LAG3: variants seen among roughly 807,000 people sequenced by gnomAD.
LAG3 encodes lymphocyte activating 3.
A neutral mutation model predicts 49.0 loss-of-function variants in LAG3; 29 were observed. That is an observed-to-expected ratio of 0.59 (90% CI 0.44 to 0.81). LAG3 has a LOEUF of 0.81. LAG3 is among the 30% of genes least tolerant of loss of function. LAG3 has a pLI of 0.00. For missense variants in LAG3, 693 were observed against 695.2 expected, an observed-to-expected ratio of 1.00 and a Z score of 0.04; for synonymous variants, 320 against 297.3, an observed-to-expected ratio of 1.08 and a Z score of -0.79.
chr12:6,778,229 C>T lies in LAG3; in HGVS notation c.1432-15C>T. ...TCCTTCCGCCCTCCGTCTCTCTCTC[C>T]ATCTCTTCTCACAGTGGCGACCAAG... is the stretch of plus-strand genomic sequence containing the variant. On this transcript the variant is annotated splice_polypyrimidine_tract_variant and intron_variant, in intron 7 of 7. Coordinates refer to ENST00000203629, the MANE Select transcript of LAG3 (RefSeq NM_002286.6). 6.4e-7 allele frequency: 1 copy of T among 1,567,186 alleles called. No individual in the cohort carries two copies. Among genetic ancestry groups the T allele is most frequent in the Non-Finnish European group, 8.7e-7 (1 of 1,155,298 alleles).
chr12:6,777,710 T>C, intron 6 of LAG3, 81 bp from the exon 7 acceptor site: 8 of 1,544,762 alleles, frequency 5.2e-6, no homozygotes, highest in Non-Finnish European at 8.9e-7. Flanking sequence ...CTGGATCTCA[T>C]TGCATCTGTA....
rs888888131 is a variant in LAG3 at position 6,773,748 on chromosome 12, G to A, written c.258G>A (p.Pro86=). Residue 86 remains proline (P), a synonymous_variant, in exon 3 of 8, where the codon CCG becomes CCA. Coordinates refer to ENST00000203629, the MANE Select transcript of LAG3 (RefSeq NM_002286.6). This position sits in a 1 kb window ranked among gnomAD's most constrained non-coding sequence, Gnocchi z 5.5. ...PGHPLAPGPH[P]AAPSSWGPRP... Reference sequence around the variant, plus strand: ...ATCCCCTGGCCCCCGGCCCTCACCCGGCGGCGCCCTCCTCCTGGGGGCCCA... The same window carrying A: ...ATCCCCTGGCCCCCGGCCCTCACCCAGCGGCGCCCTCCTCCTGGGGGCCCA... 130 of 1,327,840 alleles carry A rather than the reference G, an allele frequency of 9.8e-5. No homozygotes were observed. The highest frequency in any genetic ancestry group is 1.2e-4 in the Non-Finnish European group (128 of 1,045,690). The allele number at this position is 1,327,840 out of a possible 1,614,324, so 82.3% of individuals were successfully genotyped here. A position where few individuals can be genotyped will look rare whatever the true frequency, so the allele number is the denominator to read the frequency against.
rs1268716256 is a variant in LAG3 at position 6,773,522 on chromosome 12, C to T, written c.207-175C>T. On this transcript the variant is annotated intron_variant, in intron 2 of 7. Coordinates refer to ENST00000203629, the MANE Select transcript of LAG3 (RefSeq NM_002286.6). The surrounding 1 kb of genome is among the most constrained non-coding windows in gnomAD (Gnocchi z 5.5). ...AATCAGCGACCCTCACGCCAGCATC[C>T]CTTCTCTCCAGAAGTGGATGCGGCC... Among the ~76,000 whole-genome samples, 1 of 152,234 alleles carries T rather than the reference C, an allele frequency of 6.6e-6. No individual in the cohort carries two copies. Among genetic ancestry groups the T allele is most frequent in the Non-Finnish European group, 1.5e-5 (1 of 68,040 alleles).
Position 6,778,268 on chromosome 12 carries a change from T to G in LAG3, c.1456T>G (p.Leu486Val). The G allele has an allele frequency of 6.2e-7, 1 of 1,607,584 alleles. No homozygotes were observed. Among genetic ancestry groups the G allele is most frequent in the Non-Finnish European group, 8.5e-7 (1 of 1,176,940 alleles). The change falls in exon 8 of 8, where the codon TTA (leucine) becomes GTA (valine). Residue 486 changes from leucine (L) to valine (V), a missense_variant. Transcript: ENST00000203629. ...GTGGCGACCAAGACGATTTTCTGCC[T>G]TAGAGCAAGGGATTCACCCTCCGCA... The part of the protein sequence containing the change: ...RQWRPRRFSA[L>V]EQGIHPPQAQ...
chr12:6,774,076 G>C (rs766175217), intron 3 of LAG3, 75 bp downstream of exon 3: 1 of 1,366,894 alleles, frequency 7.3e-7, no homozygotes, highest in Non-Finnish European at 9.4e-7. Context: ...CGCAGGAAGG[G>C]CTGGGGCAGA....
In LAG3 at chr12:6,773,368, C is replaced by T. The variant is rs1320286028; in HGVS notation, c.206+29C>T. On this transcript the variant is annotated intron_variant, in intron 2 of 7. Coordinates refer to ENST00000203629, the MANE Select transcript of LAG3 (RefSeq NM_002286.6). This position sits in a 1 kb window ranked among gnomAD's most constrained non-coding sequence, Gnocchi z 5.5. The stretch of plus-strand genomic sequence containing the variant: ...TGCACCCCAAACTTGGGCAACAGGA[C>T]CTCCGAATCCAGCACTCAACCCCAC... The T allele has an allele frequency of 5.0e-6, 8 of 1,611,642 alleles. No homozygotes were observed. Among genetic ancestry groups the T allele is most frequent in the Non-Finnish European group, 6.8e-6 (8 of 1,179,522 alleles).
chr12:6,778,250 C>T lies in LAG3; in HGVS notation c.1438C>T (p.Pro480Ser), dbSNP rs780574538. The T allele has an allele frequency of 2.3e-5, 37 of 1,589,912 alleles. No homozygotes were observed. In the South Asian group the frequency reaches 4.2e-4, roughly 18 times the overall value. Residue 480 changes from proline to serine, a missense_variant, in exon 8 of 8, where the codon CCA (proline) becomes TCA (serine). Physicochemically the swap from Pro to Ser is moderately conservative, Grantham distance 74 (BLOSUM62 -1). Transcript: ENST00000203629. Reference protein sequence around the residue: ...GFHLWRRQWRPRRFSALEQGI... With the variant: ...GFHLWRRQWRSRRFSALEQGI... Reference sequence around the variant, plus strand: ...TCTCCATCTCTTCTCACAGTGGCGACCAAGACGATTTTCTGCCTTAGAGCA... The same window carrying T: ...TCTCCATCTCTTCTCACAGTGGCGATCAAGACGATTTTCTGCCTTAGAGCA...
Position 6,773,289 on chromosome 12 carries a change from T to C in LAG3, c.156T>C (p.Asp52=), listed in dbSNP as rs1297512789. The part of the protein sequence containing the change: ...LPCSPTIPLQ[D]LSLLRRAGVT... Reference sequence around the variant, plus strand: ...GCAGCCCCACAATCCCCCTCCAGGATCTCAGCCTTCTGCGAAGAGCAGGGG... The same window carrying C: ...GCAGCCCCACAATCCCCCTCCAGGACCTCAGCCTTCTGCGAAGAGCAGGGG... The change falls in exon 2 of 8, where the codon GAT becomes GAC. Residue 52 remains aspartate, a synonymous_variant. Transcript: ENST00000203629. The surrounding 1 kb of genome is among the most constrained non-coding windows in gnomAD (Gnocchi z 5.5). 3 of 1,613,720 alleles carry C rather than the reference T, an allele frequency of 1.9e-6. No individual in the cohort carries two copies. Among genetic ancestry groups the C allele is most frequent in the Middle Eastern group, 3.3e-4 (2 of 6,052 alleles).
In LAG3 at chr12:6,773,045, C is replaced by T. The variant is rs1592495039; in HGVS notation, c.58+135C>T. The T allele has an allele frequency of 5.1e-6, 7 of 1,367,502 alleles. No individual in the cohort carries two copies. Among genetic ancestry groups the T allele is most frequent in the Non-Finnish European group, 7.1e-6 (7 of 982,350 alleles). 84.7% of individuals were successfully genotyped at this position (1,367,502 alleles called of 1,614,324 possible). A position where few individuals can be genotyped will look rare whatever the true frequency, so the allele number is the denominator to read the frequency against. Reference sequence around the variant, plus strand: ...ATCCCTTTTTTGGGCAGTCCTTCCACCCCGAAAGCCTCTCTGGGCAGAGAA... The same window carrying T: ...ATCCCTTTTTTGGGCAGTCCTTCCATCCCGAAAGCCTCTCTGGGCAGAGAA... On this transcript the variant is annotated intron_variant, in intron 1 of 7. Coordinates refer to ENST00000203629, the MANE Select transcript of LAG3 (RefSeq NM_002286.6). The surrounding 1 kb of genome is among the most constrained non-coding windows in gnomAD (Gnocchi z 5.5).
chr12:6,778,435 T>C lies in LAG3; in HGVS notation c.*45T>C. ...GCAGATCTCAGCAGCCCAGTCCAAA[T>C]AAACTCCCTGTCAGCAGCAAGCCTG... is the stretch of plus-strand genomic sequence containing the variant. On this transcript the variant is annotated 3_prime_UTR_variant, in exon 8 of 8. Coordinates refer to ENST00000203629, the MANE Select transcript of LAG3 (RefSeq NM_002286.6). 1 of 1,590,456 alleles carries C rather than the reference T, an allele frequency of 6.3e-7. No individual in the cohort carries two copies. Among genetic ancestry groups the C allele is most frequent in the Non-Finnish European group, 8.5e-7 (1 of 1,173,898 alleles).
At position 6,773,766 on chromosome 12, in the gene LAG3, G is replaced by A; in HGVS notation, c.276G>A (p.Trp92Ter). 4 of 1,330,884 alleles carry A rather than the reference G, an allele frequency of 3.0e-6. No individual in the cohort carries two copies. Among genetic ancestry groups the A allele is most frequent in the Admixed American group, 4.1e-5 (1 of 24,386 alleles). 82.4% of individuals were successfully genotyped at this position (1,330,884 alleles called of 1,614,324 possible). A position where few individuals can be genotyped will look rare whatever the true frequency, so the allele number is the denominator to read the frequency against. Reference protein sequence around the residue: ...PGPHPAAPSSWGPRPRRYTVL... With the variant: ...PGPHPAAPSS ...CTCACCCGGCGGCGCCCTCCTCCTG[G>A]GGGCCCAGGCCCCGCCGCTACACGG... Residue 92 changes from tryptophan to a stop codon, truncating the protein, a stop_gained, in exon 3 of 8, where the codon TGG becomes TGA. Coordinates refer to ENST00000203629, the MANE Select transcript of LAG3 (RefSeq NM_002286.6). LOFTEE classifies it high-confidence loss of function. This position sits in a 1 kb window ranked among gnomAD's most constrained non-coding sequence, Gnocchi z 5.5.
chr12:6,777,593 A>G, intron 6 of LAG3, 87 bp downstream of exon 6: 2 of 1,522,368 alleles, frequency 1.3e-6, no homozygotes. Context: ...CCCCCATCCC[A>G]GCGCTTTTCT....
chr12:6,773,735 C>A lies in LAG3; in HGVS notation c.245C>A (p.Pro82His). ...GCCGCCCCCGGCCATCCCCTGGCCC[C>A]CGGCCCTCACCCGGCGGCGCCCTCC... ...PAAAPGHPLA[P>H]GPHPAAPSSW... The change falls in exon 3 of 8, where the codon CCC becomes CAC. Residue 82 changes from proline to histidine, a missense_variant. Pro to His is a moderately conservative substitution (Grantham distance 77). Transcript: ENST00000203629. This position sits in a 1 kb window ranked among gnomAD's most constrained non-coding sequence, Gnocchi z 5.5. The A allele has an allele frequency of 7.5e-7, 1 of 1,336,610 alleles. No homozygotes were observed. Among genetic ancestry groups the A allele is most frequent in the East Asian group, 3.0e-5 (1 of 32,990 alleles). The allele number at this position is 1,336,610 out of a possible 1,614,324, so 82.8% of individuals were successfully genotyped here. A position where few individuals can be genotyped will look rare whatever the true frequency, so the allele number is the denominator to read the frequency against.
Position 6,775,556 on chromosome 12 carries a change from T to C in LAG3, c.1057+8T>C. ...CATTGGCAATCATCACAGGTCAGCC[T>C]CAGGTGGGAAAGGAGTAGCTGCCCT... On this transcript the variant is annotated splice_region_variant and intron_variant, in intron 5 of 7. Transcript: ENST00000203629. 6.2e-7 allele frequency: 1 copy of C among 1,613,478 alleles called. No homozygotes were observed. Among genetic ancestry groups the C allele is most frequent in the Non-Finnish European group, 8.5e-7 (1 of 1,179,412 alleles).
In LAG3 at chr12:6,772,794, C is replaced by CGGGG; in HGVS notation, c.-59_-58insGGGG. ...TTTACCCCCCACCCCCCACCACTGC[C>CGGGG]CCCTTTCCTTTTCTGACCTCCTTTT... On this transcript the variant is annotated 5_prime_UTR_variant, in exon 1 of 8. Transcript: ENST00000203629. 1.4e-6 allele frequency: 2 copies of CGGGG among 1,397,316 alleles called. No individual in the cohort carries two copies. Among genetic ancestry groups the CGGGG allele is most frequent in the Non-Finnish European group, 2.0e-6 (2 of 994,008 alleles). 86.6% of individuals were successfully genotyped at this position (1,397,316 alleles called of 1,614,324 possible).
rs902265693 is a variant in LAG3 at position 6,773,048 on chromosome 12, C to T, written c.58+138C>T. 2.0e-5 allele frequency: 27 copies of T among 1,374,372 alleles called. No homozygotes were observed. Among genetic ancestry groups the T allele is most frequent in the Non-Finnish European group, 2.5e-5 (25 of 988,990 alleles). The allele number at this position is 1,374,372 out of a possible 1,614,324, so 85.1% of individuals were successfully genotyped here. A position where few individuals can be genotyped will look rare whatever the true frequency, so the allele number is the denominator to read the frequency against. On this transcript the variant is annotated intron_variant, in intron 1 of 7. Transcript: ENST00000203629. The surrounding 1 kb of genome is among the most constrained non-coding windows in gnomAD (Gnocchi z 5.5). The stretch of plus-strand genomic sequence containing the variant: ...CCTTTTTTGGGCAGTCCTTCCACCC[C>T]GAAAGCCTCTCTGGGCAGAGAAGAA...
At chr12:6,776,647 G>A (rs1431561169) in intron 5 of LAG3, among the ~76,000 whole-genome samples, 1 of 152,272 alleles carries the variant, frequency 6.6e-6, no homozygotes, top group East Asian at 1.9e-4. Context: ...AGATGAATGG[G>A]TCAGTTCCCT....
At chr12:6,774,994 T>C in intron 4 of LAG3, 130 bp downstream of exon 4, 1 of 962,408 alleles carries the variant, frequency 1.0e-6, no homozygotes, top group South Asian at 1.6e-5. Flanking sequence ...TGGGTCTCAC[T>C]GTTCGACCCC....
chr12:6,773,140 C>G lies in LAG3; in HGVS notation c.59-52C>G. On this transcript the variant is annotated intron_variant, in intron 1 of 7. Coordinates refer to ENST00000203629, the MANE Select transcript of LAG3 (RefSeq NM_002286.6). The surrounding 1 kb of genome is among the most constrained non-coding windows in gnomAD (Gnocchi z 5.5). Reference sequence around the variant, plus strand: ...GAAACACCCAGGCTCCTTCTCTACCCCTGCCTCTCGGCTCACGCCCCCTCC... The same window carrying G: ...GAAACACCCAGGCTCCTTCTCTACCGCTGCCTCTCGGCTCACGCCCCCTCC... 1.3e-6 allele frequency: 2 copies of G among 1,564,756 alleles called. No homozygotes were observed. The highest frequency in any genetic ancestry group is 1.7e-6 in the Non-Finnish European group (2 of 1,157,488).
Sources: allele counts gnomAD v4.1 joint callset (sites outside exome capture counted in the v4.1 genomes callset), GRCh38; gene constraint gnomAD v4.1.1; non-coding constraint Gnocchi (gnomAD v3.1); transcripts MANE v1.5; gene names NCBI Gene and HGNC (gene_info 2026-07-23, HGNC 2026-07-21).